ATOSA: variants seen among roughly 807,000 people sequenced by gnomAD.
ATOSA encodes atos homolog A.
the ATOSA span, chr15:52,600,196 A>G: frequency 1.2e-6 from 2 of 1,611,760 alleles, no homozygotes; most frequent in Admixed American, 1.7e-5. Flanking sequence ...GTTTTTCATG[A>G]ATATCTGGAT....
the ATOSA span, among the ~76,000 whole-genome samples, chr15:52,594,840 C>G: frequency 6.6e-6 from 1 of 152,114 alleles, no homozygotes; most frequent in East Asian, 1.9e-4. Context: ...TGCCAGAGTT[C>G]TTTTTCTTTT....
At chr15:52,625,380 TTTA>T in the ATOSA span, among the ~76,000 whole-genome samples, 1 of 152,256 alleles carries the variant, frequency 6.6e-6, no homozygotes, top group East Asian at 1.9e-4. Context: ...ACACTATTAT[TTTA>T]TTATTAGTTA....
the ATOSA span, among the ~76,000 whole-genome samples, chr15:52,638,204 A>T: frequency 6.6e-6 from 1 of 152,354 alleles, no homozygotes; most frequent in Admixed American, 6.5e-5. Context: ...TTTAGAATGA[A>T]TCGAGTGCTG....
chr15:52,697,992 T>C, the ATOSA span, among the ~76,000 whole-genome samples: 1 of 117,834 alleles, frequency 8.5e-6, no homozygotes, highest in Non-Finnish European at 1.7e-5. Context: ...TTTTTTTTTT[T>C]GTGAGACAGA....
the ATOSA span, among the ~76,000 whole-genome samples, chr15:52,661,768 G>A: frequency 6.6e-6 from 1 of 152,034 alleles, no homozygotes. Flanking sequence ...AAGTGTGCCT[G>A]CAGAACCAGC....
chr15:52,589,234 C>G, the ATOSA span, among the ~76,000 whole-genome samples: 1 of 152,178 alleles, frequency 6.6e-6, no homozygotes, highest in Non-Finnish European at 1.5e-5. Flanking sequence ...TAATGAGGTA[C>G]TCTGTATACC....
the ATOSA span, among the ~76,000 whole-genome samples, chr15:52,693,049 G>A: frequency 6.6e-6 from 1 of 152,176 alleles, no homozygotes; most frequent in Non-Finnish European, 1.5e-5. Flanking sequence ...TCAAGAACAA[G>A]AATATCTTTT....
chr15:52,678,888 GC>G, the ATOSA span: 2 of 153,090 alleles, frequency 1.3e-5, no homozygotes, highest in African/African-American at 4.8e-5. Flanking sequence ...TCTCGAGCTG[GC>G]CGGCTCCTCC....
At chr15:52,624,359 T>C in the ATOSA span, among the ~76,000 whole-genome samples, 1 of 152,234 alleles carries the variant, frequency 6.6e-6, no homozygotes, top group Non-Finnish European at 1.5e-5. Flanking sequence ...CACACTGATC[T>C]TTGACTTACT....
At chr15:52,598,525 C>T in the ATOSA span, 1 of 152,158 alleles carries the variant, frequency 6.6e-6, no homozygotes, top group African/African-American at 2.4e-5. Flanking sequence ...AGTCTAACCC[C>T]ATCTTTTATT....
At chr15:52,617,739 AAAT>A in the ATOSA span, among the ~76,000 whole-genome samples, 5 of 145,860 alleles carry the variant, frequency 3.4e-5, no homozygotes, top group African/African-American at 5.1e-5. Flanking sequence ...ACTTTTGAAT[AAAT>A]AAATTTTATT....
chr15:52,708,641 G>T, the ATOSA span, among the ~76,000 whole-genome samples: 1 of 151,948 alleles, frequency 6.6e-6, no homozygotes, highest in African/African-American at 2.4e-5. Flanking sequence ...AACCACACTG[G>T]GAAAATAAAT....
At chr15:52,626,529 G>GA in the ATOSA span, among the ~76,000 whole-genome samples, 40,600 of 141,586 alleles carry the variant, frequency 0.29, 9,044 homozygotes, top group East Asian at 0.62. Context: ...AGGGAAAGCT[G>GA]AAAAAAAAAA....
the ATOSA span, among the ~76,000 whole-genome samples, chr15:52,593,075 GT>G: frequency 2.0e-4 from 31 of 151,952 alleles, no homozygotes; most frequent in African/African-American, 7.0e-4. Flanking sequence ...GAGGCCAGAA[GT>G]TTGAGGCTAC....
At chr15:52,601,029 G>C in the ATOSA span, 12 of 1,057,862 alleles carry the variant, frequency 1.1e-5, no homozygotes, top group Non-Finnish European at 1.7e-5. Flanking sequence ...TATTGTTAAA[G>C]ACCAGAATTT....
chr15:52,601,663 G>T, the ATOSA span, among the ~76,000 whole-genome samples: 2 of 152,034 alleles, frequency 1.3e-5, no homozygotes, highest in African/African-American at 4.8e-5. Flanking sequence ...GATTTGAAAA[G>T]TACTATGCTC....
the ATOSA span, among the ~76,000 whole-genome samples, chr15:52,594,289 T>TA: frequency 6.6e-6 from 1 of 152,198 alleles, no homozygotes; most frequent in Non-Finnish European, 1.5e-5. Context: ...AATGTGCATT[T>TA]ATAAAAAGTT....
chr15:52,634,981 A>G, the ATOSA span, among the ~76,000 whole-genome samples: 1 of 152,216 alleles, frequency 6.6e-6, no homozygotes, highest in South Asian at 2.1e-4. Flanking sequence ...AACACTAATC[A>G]AAAGAAAGCT....
the ATOSA span, among the ~76,000 whole-genome samples, chr15:52,626,743 A>G: frequency 6.6e-6 from 1 of 151,970 alleles, no homozygotes; most frequent in African/African-American, 2.4e-5. Context: ...TTATTTCCAA[A>G]TCTCATCCAG....
Sources: allele counts gnomAD v4.1 joint callset (sites outside exome capture counted in the v4.1 genomes callset), GRCh38; gene constraint gnomAD v4.1.1; transcripts MANE v1.5; gene names NCBI Gene and HGNC (gene_info 2026-07-23, HGNC 2026-07-21).